SCUBE3: variants seen among roughly 807,000 people sequenced by gnomAD.
SCUBE3 encodes signal peptide, CUB and EGF-like domain-containing protein 3.
In SCUBE3, 33 loss-of-function variants were observed where a neutral mutation model predicts 116.8. The ratio of observed to expected loss-of-function variants is 0.28; its 90% confidence interval spans 0.21 to 0.38. SCUBE3 has a LOEUF of 0.38. Among genes scored for constraint, SCUBE3 ranks in the 10% least tolerant of loss-of-function variants. The pLI, the probability that SCUBE3 is intolerant of heterozygous loss-of-function variation, is 1.00. For synonymous variants in SCUBE3, 418 were observed against 496.9 expected (o/e 0.84, Z 2.11); for missense variants, 1,007 against 1,324.8 (o/e 0.76, Z 3.72).
At chr6:35,234,749 G>T (rs1031089718) in intron 6 of SCUBE3, among the ~76,000 whole-genome samples, 3 of 152,206 alleles carry the variant, frequency 2.0e-5, no homozygotes, top group Non-Finnish European at 4.4e-5. Context: ...GGATGTGAAG[G>T]TCTGATCCCT....
intron 21 of SCUBE3, 68 bp downstream of exon 21, chr6:35,246,353 C>T: frequency 2.7e-6 from 3 of 1,120,730 alleles, no homozygotes; most frequent in South Asian, 1.3e-5. Context: ...AGGCAATAGG[C>T]TAAGTGCTTA....
intron 6 of SCUBE3, among the ~76,000 whole-genome samples, chr6:35,237,561 G>C (rs1366005032): frequency 2.6e-5 from 4 of 152,032 alleles, no homozygotes; most frequent in Non-Finnish European, 5.9e-5. Context: ...CCCTCACTTA[G>C]CTCCCATCCC....
chr6:35,236,680 A>G (rs771999833), intron 6 of SCUBE3, among the ~76,000 whole-genome samples: 1 of 152,208 alleles, frequency 6.6e-6, no homozygotes, highest in Non-Finnish European at 1.5e-5. Context: ...ATTGGTGACA[A>G]GAGTTGGGCC....
At position 35,243,983 on chromosome 6, in the gene SCUBE3, C is replaced by T; in HGVS notation, c.2092C>T (p.His698Tyr). The T allele has an allele frequency of 1.2e-6, 2 of 1,614,028 alleles. No homozygotes were observed. The highest frequency in any genetic ancestry group is 1.7e-6 in the Non-Finnish European group (2 of 1,179,934). ...TCAGQCPPGQ[H>Y]SVDGFKPCQP... ...TGCAGGTCAGTGCCCACCTGGCCAA[C>T]ACTCTGTAGATGGGTTCAAGCCCTG... is the stretch of plus-strand genomic sequence containing the variant. Residue 698 changes from histidine to tyrosine, a missense_variant, in exon 17 of 22, where the codon CAC (histidine) becomes TAC (tyrosine). By Grantham distance (83) the His-to-Tyr change is moderately conservative (BLOSUM62 2). This residue lies in a region of SCUBE3 where 544 missense variants were observed against 638.9 expected (regional missense o/e 0.85). Coordinates refer to ENST00000274938, the MANE Select transcript of SCUBE3 (RefSeq NM_152753.4). This position sits in a 1 kb window ranked among gnomAD's most constrained non-coding sequence, Gnocchi z 6.6.
At chr6:35,234,538 A>G (rs1783681897) in intron 6 of SCUBE3, among the ~76,000 whole-genome samples, 1 of 152,186 alleles carries the variant, frequency 6.6e-6, no homozygotes, top group African/African-American at 2.4e-5. Flanking sequence ...TAACTCTTCA[A>G]AGACCCCAGA....
Position 35,246,000 on chromosome 6 carries a change from G to C in SCUBE3, c.2656G>C (p.Ala886Pro). ...ETCQTYERPI[A>P]FTARSRKLWI... Reference sequence around the variant, plus strand: ...CTGCCAGACCTACGAGCGTCCCATTGCCTTCACTGCCCGTTCCAGGAAGCT... The same window carrying C: ...CTGCCAGACCTACGAGCGTCCCATTCCCTTCACTGCCCGTTCCAGGAAGCT... Residue 886 changes from alanine (A) to proline (P), a missense_variant, in exon 20 of 22, where the codon GCC (alanine) becomes CCC (proline). By Grantham distance (27) the Ala-to-Pro change is conservative. Around this residue, in one of 5 missense-constraint regions of SCUBE3, gnomAD observed 118 missense variants for 196.6 expected, o/e 0.60. Transcript: ENST00000274938. This position sits in a 1 kb window ranked among gnomAD's most constrained non-coding sequence, Gnocchi z 4.2. 4.3e-6 allele frequency: 7 copies of C among 1,614,184 alleles called. No homozygotes were observed. The highest frequency in any genetic ancestry group is 5.9e-6 in the Non-Finnish European group (7 of 1,180,020).
rs1363495617 is a variant in SCUBE3, at chr6:35,228,727, C to T, written c.322C>T (p.His108Tyr). Residue 108 changes from histidine (H) to tyrosine (Y), a missense_variant, in exon 3 of 22, where the codon CAC becomes TAC. By Grantham distance (83) the His-to-Tyr change is moderately conservative. Transcript: ENST00000274938. The surrounding 1 kb of genome is among the most constrained non-coding windows in gnomAD (Gnocchi z 4.9). Reference protein sequence around the residue: ...YDGFHLAHDGHNCLDVDECAE... With the variant: ...YDGFHLAHDGYNCLDVDECAE... ...TGGATTCCACCTGGCACATGACGGA[C>T]ACAACTGTCTGGGTAAGCAAAGGAG... 2 of 1,614,072 alleles carry T rather than the reference C, an allele frequency of 1.2e-6. No individual in the cohort carries two copies. The highest frequency in any genetic ancestry group is 2.2e-5 in the South Asian group (2 of 91,080).
In SCUBE3 at chr6:35,246,047, C is replaced by A. The variant is rs375945714; in HGVS notation, c.2703C>A (p.Ser901Arg). The change falls in exon 20 of 22, where the codon AGC (serine) becomes AGA (arginine). Residue 901 changes from serine (S) to arginine (R), a missense_variant. Ser to Arg is a moderately radical substitution (Grantham distance 110, BLOSUM62 -1). Around this residue, in one of 5 missense-constraint regions of SCUBE3, gnomAD observed 118 missense variants for 196.6 expected, o/e 0.60. Transcript: ENST00000274938. ...AGCTCTGGATCAACTTCAAGACAAG[C>A]GAGGCCAACAGCGCCCGTGGCTTCC... is the stretch of plus-strand genomic sequence containing the variant. ...SRKLWINFKT[S>R]EANSARGFQI... 76 of 1,614,126 alleles carry A rather than the reference C, an allele frequency of 4.7e-5. No homozygotes were observed. The South Asian group carries it at 8.2e-4, about 17-fold the overall frequency.
chr6:35,217,360 C>T (rs928063617), intron 1 of SCUBE3, among the ~76,000 whole-genome samples: 1 of 151,002 alleles, frequency 6.6e-6, no homozygotes, highest in African/African-American at 2.4e-5. Flanking sequence ...AACTTGTCCC[C>T]AGGGCTGGCT....
chr6:35,252,111 T>C lies in SCUBE3; in HGVS notation c.*3406T>C, dbSNP rs1398115181. Reference sequence around the variant, plus strand: ...GTAATGCACACCAGAAAGGCACTTATATCCTCAGCAACATGGCAGTTCCTC... The same window carrying C: ...GTAATGCACACCAGAAAGGCACTTACATCCTCAGCAACATGGCAGTTCCTC... On this transcript the variant is annotated 3_prime_UTR_variant, in exon 22 of 22. Coordinates refer to ENST00000274938, the MANE Select transcript of SCUBE3 (RefSeq NM_152753.4). The C allele has an allele frequency of 6.6e-6, 1 of 152,312 alleles. No individual in the cohort carries two copies. Among genetic ancestry groups the C allele is most frequent in the East Asian group, 1.9e-4 (1 of 5,206 alleles). 9.4% of individuals were successfully genotyped at this position (152,312 alleles called of 1,614,324 possible).
chr6:35,241,155 A>T lies in SCUBE3; in HGVS notation c.1084A>T (p.Ser362Cys). The T allele has an allele frequency of 6.3e-7, 1 of 1,598,742 alleles. No individual in the cohort carries two copies. Among genetic ancestry groups the T allele is most frequent in the Non-Finnish European group, 8.6e-7 (1 of 1,167,562 alleles). Residue 362 changes from serine (S) to cysteine (C), a missense_variant, in exon 10 of 22, where the codon AGC becomes TGC. This residue lies in a region of SCUBE3 where 544 missense variants were observed against 638.9 expected (regional missense o/e 0.85). Transcript: ENST00000274938. The surrounding 1 kb of genome is among the most constrained non-coding windows in gnomAD (Gnocchi z 4.1). ...ITHCGDVDEC[S>C]INRGGCRFGC... ...CCTTCCCCCAGATGTGGATGAATGC[A>T]GCATCAACCGGGGAGGTTGCCGCTT... is the stretch of plus-strand genomic sequence containing the variant.
chr6:35,233,409 G>C lies in SCUBE3; in HGVS notation c.712+108G>C. On this transcript the variant is annotated intron_variant, in intron 6 of 21. Transcript: ENST00000274938. The surrounding 1 kb of genome is among the most constrained non-coding windows in gnomAD (Gnocchi z 5.7). Reference sequence around the variant, plus strand: ...GCATGGGGCCCAGGTGCTGGGCACAGAGGGACTGGTGAGGGAGTTAAGACC... The same window carrying C: ...GCATGGGGCCCAGGTGCTGGGCACACAGGGACTGGTGAGGGAGTTAAGACC... 8.3e-6 allele frequency: 6 copies of C among 725,966 alleles called. No individual in the cohort carries two copies. The highest frequency in any genetic ancestry group is 1.5e-5 in the Non-Finnish European group (6 of 406,506). 45.0% of individuals were successfully genotyped at this position (725,966 alleles called of 1,614,324 possible).
At chr6:35,226,299 T>C (rs1389357429) in intron 1 of SCUBE3, among the ~76,000 whole-genome samples, 1 of 152,172 alleles carries the variant, frequency 6.6e-6, no homozygotes, top group Non-Finnish European at 1.5e-5. Flanking sequence ...TTCTGCTCCA[T>C]GTTTTTTGTT....
Position 35,241,030 on chromosome 6 carries a change from C to T in SCUBE3, c.1070-111C>T, listed in dbSNP as rs372545135. On this transcript the variant is annotated intron_variant, in intron 9 of 21. Transcript: ENST00000274938. This position sits in a 1 kb window ranked among gnomAD's most constrained non-coding sequence, Gnocchi z 4.1. ...AGATCTCTCGAACTTATTCATCTTG[C>T]GTAATGCAGGGTACCTGAAACTCTA... 1.1e-4 allele frequency: 110 copies of T among 1,005,694 alleles called. No individual in the cohort carries two copies. The East Asian group carries it at 1.3e-3, about 12-fold the overall frequency. 62.3% of individuals were successfully genotyped at this position (1,005,694 alleles called of 1,614,324 possible). A position where few individuals can be genotyped will look rare whatever the true frequency, so the allele number is the denominator to read the frequency against.
intron 6 of SCUBE3, among the ~76,000 whole-genome samples, chr6:35,236,707 G>A (rs1783788724): frequency 6.6e-6 from 1 of 152,198 alleles, no homozygotes; most frequent in South Asian, 2.1e-4. Context: ...TGGGGAGTCA[G>A]AGACTTAAGA....
At chr6:35,215,809 C>T (rs1245981151) in intron 1 of SCUBE3, among the ~76,000 whole-genome samples, 3 of 152,188 alleles carry the variant, frequency 2.0e-5, no homozygotes, top group African/African-American at 7.2e-5. Context: ...AGATCCTCAG[C>T]TGTCAAATAC....
Position 35,245,526 on chromosome 6 carries a change from G to A in SCUBE3, c.2599+101G>A. On this transcript the variant is annotated intron_variant, in intron 19 of 21. Transcript: ENST00000274938. This position sits in a 1 kb window ranked among gnomAD's most constrained non-coding sequence, Gnocchi z 4.2. Reference sequence around the variant, plus strand: ...ATACAGGAAGAAATGGGGCAGTGAAGTTAGGGATCTATGAGGGTGAAATAG... The same window carrying A: ...ATACAGGAAGAAATGGGGCAGTGAAATTAGGGATCTATGAGGGTGAAATAG... 1 of 986,236 alleles carries A rather than the reference G, an allele frequency of 1.0e-6. No homozygotes were observed. Among genetic ancestry groups the A allele is most frequent in the Non-Finnish European group, 1.6e-6 (1 of 630,806 alleles). The allele number at this position is 986,236 out of a possible 1,614,324, so 61.1% of individuals were successfully genotyped here. A position where few individuals can be genotyped will look rare whatever the true frequency, so the allele number is the denominator to read the frequency against.
Position 35,232,747 on chromosome 6 carries a change from G to C in SCUBE3, c.470-103G>C, listed in dbSNP as rs1783603807. 8.4e-7 allele frequency: 1 copy of C among 1,189,246 alleles called. No individual in the cohort carries two copies. Among genetic ancestry groups the C allele is most frequent in the Non-Finnish European group, 1.2e-6 (1 of 816,996 alleles). The allele number at this position is 1,189,246 out of a possible 1,614,324, so 73.7% of individuals were successfully genotyped here. ...TCCCCTCGTGTTGAATTCAACCTCAGTAGAATTCTCCCAGTTCCCTAGGTC... is the reference window on the plus strand; with the variant it reads ...TCCCCTCGTGTTGAATTCAACCTCACTAGAATTCTCCCAGTTCCCTAGGTC... On this transcript the variant is annotated intron_variant, in intron 4 of 21. Coordinates refer to ENST00000274938, the MANE Select transcript of SCUBE3 (RefSeq NM_152753.4). The surrounding 1 kb of genome is among the most constrained non-coding windows in gnomAD (Gnocchi z 4.2).
chr6:35,250,249 G>A lies in SCUBE3; in HGVS notation c.*1544G>A, dbSNP rs1248798565. 2 of 152,242 alleles carry A rather than the reference G, an allele frequency of 1.3e-5. No homozygotes were observed. The highest frequency in any genetic ancestry group is 4.8e-5 in the African/African-American group (2 of 41,406). 9.4% of individuals were successfully genotyped at this position (152,242 alleles called of 1,614,324 possible). A position where few individuals can be genotyped will look rare whatever the true frequency, so the allele number is the denominator to read the frequency against. ...CTATGCCTCTCCATGGAGTCAGTGT[G>A]GACCTCATGATTATAGAGGCCAATG... On this transcript the variant is annotated 3_prime_UTR_variant, in exon 22 of 22. Coordinates refer to ENST00000274938, the MANE Select transcript of SCUBE3 (RefSeq NM_152753.4).
Sources: gnomAD v4.1 joint callset for allele counts (sites outside exome capture counted in the v4.1 genomes callset) on GRCh38, gnomAD v4.1.1 for gene constraint, gnomAD v4.1.1 regional missense constraint, Gnocchi (gnomAD v3.1) non-coding constraint, MANE v1.5 for transcripts, NCBI Gene and HGNC (gene_info 2026-07-23, HGNC 2026-07-21) for gene names.